The following DOCK1 variants were observed in gnomAD, a reference collection of about 807,000 sequenced individuals.
The protein encoded by DOCK1 is dedicator of cytokinesis protein 1.
In DOCK1, 138 loss-of-function variants were observed where a neutral mutation model predicts 262.7. The ratio of observed to expected loss-of-function variants is 0.53; its 90% CI spans 0.46 to 0.61. The LOEUF (loss-of-function observed/expected upper bound fraction) is 0.61. Ranked by LOEUF, DOCK1 falls within the 20% of genes least tolerant of loss-of-function variation. The pLI is 0.00. For synonymous variants in DOCK1, 866 were observed against 867.4 expected (o/e 1.00, Z 0.03); for missense variants, 1,908 against 2,370.7 (o/e 0.80, Z 4.05).
intron 2 of DOCK1, among the ~76,000 whole-genome samples, chr10:126,975,998 G>C (rs1421876754): frequency 2.0e-5 from 3 of 152,086 alleles, no homozygotes; most frequent in Non-Finnish European, 4.4e-5. Flanking sequence ...GTTAATCTTT[G>C]TCAGTTTCAG....
intron 29 of DOCK1, among the ~76,000 whole-genome samples, chr10:127,264,664 A>AT (rs111515696): frequency 6.3e-4 from 92 of 147,134 alleles, no homozygotes; most frequent in African/African-American, 1.1e-3. Context: ...TACAATGTAG[A>AT]TTTTTTTTTT....
intron 27 of DOCK1, among the ~76,000 whole-genome samples, chr10:127,206,520 G>T (rs2057732489): frequency 6.6e-6 from 1 of 152,164 alleles, no homozygotes; most frequent in Admixed American, 6.5e-5. Flanking sequence ...AGAATTGTTT[G>T]TTGTGGATTT....
intron 23 of DOCK1, among the ~76,000 whole-genome samples, chr10:127,099,785 G>A (rs1407660114): frequency 1.3e-5 from 2 of 152,162 alleles, no homozygotes; most frequent in African/African-American, 4.8e-5. Flanking sequence ...GAGATGGAGA[G>A]GACACACATC....
chr10:127,293,445 C>A (rs114193383), intron 29 of DOCK1, among the ~76,000 whole-genome samples: 3 of 152,180 alleles, frequency 2.0e-5, no homozygotes, highest in Non-Finnish European at 4.4e-5. Context: ...GGGCCAGCAC[C>A]GGGTTTTGTG....
intron 1 of DOCK1, among the ~76,000 whole-genome samples, chr10:126,949,042 C>T (rs2035919227): frequency 6.6e-6 from 1 of 152,146 alleles, no homozygotes; most frequent in African/African-American, 2.4e-5. Flanking sequence ...GTTCCCTGGC[C>T]ACCCTTCGGG....
intron 23 of DOCK1, among the ~76,000 whole-genome samples, chr10:127,094,536 C>T (rs553474240): frequency 6.6e-6 from 1 of 152,142 alleles, no homozygotes; most frequent in African/African-American, 2.4e-5. Context: ...GTAGGGTGGG[C>T]TAGAGCCTGG....
At chr10:127,383,665 T>C (rs917173986) in intron 37 of DOCK1, among the ~76,000 whole-genome samples, 1 of 152,224 alleles carries the variant, frequency 6.6e-6, no homozygotes, top group Non-Finnish European at 1.5e-5. Context: ...GGACCTTTGC[T>C]AAGACAGTAA....
At chr10:127,152,457 G>A (rs769426392) in intron 27 of DOCK1, among the ~76,000 whole-genome samples, 2 of 152,208 alleles carry the variant, frequency 1.3e-5, no homozygotes, top group African/African-American at 2.4e-5. Context: ...GCCATGCCAG[G>A]CTGCTGCAGG....
In DOCK1 at chr10:127,052,736, A is replaced by G. The variant is rs2135738905; in HGVS notation, c.2257A>G (p.Asn753Asp). ...YVDGAEKPGVNEQLYKAMKAL... is the reference protein window; with the variant it reads ...YVDGAEKPGVDEQLYKAMKAL... ...GGACGGTGCTGAGAAGCCGGGAGTA[A>G]ATGAGCAGCTGTACAAAGCCATGAA... The change falls in exon 22 of 52, where the codon AAT (asparagine) becomes GAT (aspartate). Residue 753 changes from asparagine (N) to aspartate (D), a missense_variant. Asn to Asp is a conservative substitution (Grantham distance 23, BLOSUM62 1). Coordinates refer to ENST00000623213, the MANE Select transcript of DOCK1 (RefSeq NM_001290223.2). 1 of 1,613,914 alleles carries G rather than the reference A, an allele frequency of 6.2e-7. No homozygotes were observed. The highest frequency in any genetic ancestry group is 1.1e-5 in the South Asian group (1 of 91,068).
intron 1 of DOCK1, among the ~76,000 whole-genome samples, chr10:126,960,723 AATATAT>A (rs1159655828): frequency 3.0e-5 from 4 of 134,648 alleles, no homozygotes; most frequent in Admixed American, 7.4e-5. Flanking sequence ...CCTACCCTCA[AATATAT>A]ATATATATAT....
At chr10:126,961,168 C>T (rs1330011832) in intron 1 of DOCK1, among the ~76,000 whole-genome samples, 1 of 152,124 alleles carries the variant, frequency 6.6e-6, no homozygotes, top group Non-Finnish European at 1.5e-5. Flanking sequence ...ATTCTGTTAC[C>T]CAAACATTGC....
chr10:127,147,724 T>C (rs956108758), intron 27 of DOCK1, among the ~76,000 whole-genome samples: 1 of 151,986 alleles, frequency 6.6e-6, no homozygotes, highest in Non-Finnish European at 1.5e-5. Flanking sequence ...TTTATCAAAG[T>C]GGTTGTTTAA....
chr10:127,276,756 C>T (rs2060757383), intron 29 of DOCK1, among the ~76,000 whole-genome samples: 1 of 138,808 alleles, frequency 7.2e-6, no homozygotes, highest in Admixed American at 7.0e-5. Context: ...TATATTATCC[C>T]AATTACTCTT....
At chr10:127,247,959 A>T (rs754538872) in intron 27 of DOCK1, 49 bp from the exon 28 acceptor site, 4 of 1,579,986 alleles carry the variant, frequency 2.5e-6, no homozygotes, top group Non-Finnish European at 3.5e-6. Flanking sequence ...GGCTTTTCCC[A>T]TGAGTGTTGC....
intron 27 of DOCK1, among the ~76,000 whole-genome samples, chr10:127,180,288 T>A (rs1285353709): frequency 2.0e-5 from 3 of 152,206 alleles, no homozygotes; most frequent in Non-Finnish European, 4.4e-5. Context: ...GGACTGAGCA[T>A]GAAGCTGCAA....
intron 27 of DOCK1, among the ~76,000 whole-genome samples, chr10:127,152,471 C>T (rs901443030): frequency 3.3e-5 from 5 of 152,204 alleles, no homozygotes; most frequent in Admixed American, 1.3e-4. Context: ...CTGCAGGGGC[C>T]CCTCCTCCCT....
In DOCK1 at chr10:127,404,361, G is replaced by C; in HGVS notation, c.4054G>C (p.Val1352Leu). The C allele has an allele frequency of 1.2e-6, 2 of 1,613,876 alleles. No individual in the cohort carries two copies. The highest frequency in any genetic ancestry group is 1.7e-6 in the Non-Finnish European group (2 of 1,179,852). The stretch of plus-strand genomic sequence containing the variant: ...TCAGTTTTATGAAAACATCGTCAAA[G>C]TGATCAGGCCCAAGCCTGACTATTT... The part of the protein sequence containing the change: ...QAQFYENIVK[V>L]IRPKPDYFAV... Residue 1352 changes from valine to leucine, a missense_variant, in exon 40 of 52, where the codon GTG (valine) becomes CTG (leucine). Val to Leu is a conservative substitution (Grantham distance 32). Coordinates refer to ENST00000623213, the MANE Select transcript of DOCK1 (RefSeq NM_001290223.2).
intron 47 of DOCK1, among the ~76,000 whole-genome samples, chr10:127,431,923 C>A (rs977439042): frequency 6.6e-6 from 1 of 152,112 alleles, no homozygotes; most frequent in Admixed American, 6.5e-5. Flanking sequence ...AGGTGAGCGG[C>A]GGGTGAGGGA....
intron 27 of DOCK1, among the ~76,000 whole-genome samples, chr10:127,182,551 C>CTT (rs2055838652): frequency 6.6e-6 from 1 of 152,268 alleles, no homozygotes; most frequent in African/African-American, 2.4e-5. Flanking sequence ...GCTCATCCTG[C>CTT]TACATTCATA....
Sources: allele counts gnomAD v4.1 joint callset (sites outside exome capture counted in the v4.1 genomes callset), GRCh38; gene constraint gnomAD v4.1.1; transcripts MANE v1.5; gene names NCBI Gene and HGNC (gene_info 2026-07-23, HGNC 2026-07-21).